Variants in FIGN observed in about 807,000 individuals in gnomAD.
FIGN encodes fidgetin, microtubule severing factor.
In FIGN, 11 loss-of-function variants were observed where a neutral mutation model predicts 51.3. That is an observed-to-expected ratio of 0.21 (90% CI 0.13 to 0.35). The LOEUF (loss-of-function observed/expected upper bound fraction) is 0.35. Among genes scored for constraint, FIGN ranks in the 10% least tolerant of loss-of-function variants. The probability of loss-of-function intolerance (pLI) is 1.00; values close to 1 mark genes in which losing one functional copy is unlikely to be tolerated. For synonymous variants in FIGN, 407 were observed against 363.2 expected (o/e 1.12, Z -1.37); for missense variants, 857 against 943.6 (o/e 0.91, Z 1.20).
chr2:163,611,725 G>A lies in FIGN; in HGVS notation c.107C>T (p.Ala36Val), dbSNP rs1691265918. 1 of 1,614,160 alleles carries A rather than the reference G, an allele frequency of 6.2e-7. No individual in the cohort carries two copies. Among genetic ancestry groups the A allele is most frequent in the Non-Finnish European group, 8.5e-7 (1 of 1,179,998 alleles). Reference protein sequence around the residue: ...FDITSTTRSPAHKVEAYRGHL... With the variant: ...FDITSTTRSPVHKVEAYRGHL... ...ACCTCTGTAGGCTTCAACTTTGTGG[G>A]CAGGAGACCGAGTGGTTGAGGTGAT... The change falls in exon 3 of 3, where the codon GCC becomes GTC. Residue 36 changes from alanine (A) to valine (V), a missense_variant. Physicochemically the swap from Ala to Val is moderately conservative, Grantham distance 64 (BLOSUM62 0). Around this residue, in one of 3 missense-constraint regions of FIGN, gnomAD observed 56 missense variants for 75.3 expected, o/e 0.74. Coordinates refer to ENST00000333129, the MANE Select transcript of FIGN (RefSeq NM_018086.4).
In FIGN at chr2:163,651,202, G is replaced by A. The variant is rs183560010; in HGVS notation, c.26-39396C>T. Among the ~76,000 whole-genome samples, 525 of 152,268 alleles carry A rather than the reference G, an allele frequency of 3.4e-3. 1 individual carries two copies. The highest frequency in any genetic ancestry group is 5.9e-3 in the Non-Finnish European group (399 of 68,026). On this transcript the variant is annotated intron_variant, in intron 2 of 2. Coordinates refer to ENST00000333129, the MANE Select transcript of FIGN (RefSeq NM_018086.4). ...TGATAGGCCGGGTGCGGTGGCTCAC[G>A]CCTGTATCCCAGCCCTTTGGGAGGC...
At position 163,610,029 on chromosome 2, in the gene FIGN, T is replaced by G; in HGVS notation, c.1803A>C (p.Pro601=). Residue 601 remains proline (P), a synonymous_variant, in exon 3 of 3, where the codon CCA becomes CCC. Transcript: ENST00000333129. ...LSSQVNEEHS[P]VSRMRTEFLM... ...GAAATTCGGTTCTCATCCGACTGAC[T>G]GGACTATGTTCCTCATTCACTTGAG... The G allele has an allele frequency of 6.2e-7, 1 of 1,614,148 alleles. No homozygotes were observed. The highest frequency in any genetic ancestry group is 8.5e-7 in the Non-Finnish European group (1 of 1,180,008).
At chr2:163,653,770 C>T (rs959657265) in intron 2 of FIGN, among the ~76,000 whole-genome samples, 1 of 152,050 alleles carries the variant, frequency 6.6e-6, no homozygotes, top group Non-Finnish European at 1.5e-5. Flanking sequence ...GTGCAAACAA[C>T]AACAACAACA....
At chr2:163,655,286 C>T (rs1224424558) in intron 2 of FIGN, among the ~76,000 whole-genome samples, 1 of 152,126 alleles carries the variant, frequency 6.6e-6, no homozygotes, top group Admixed American at 6.5e-5. Flanking sequence ...CTATCTTTGC[C>T]AGCTGTCAGA....
chr2:163,729,021 G>A (rs1270726017), intron 2 of FIGN, among the ~76,000 whole-genome samples: 1 of 152,096 alleles, frequency 6.6e-6, no homozygotes, highest in African/African-American at 2.4e-5. Flanking sequence ...AATTTTATCT[G>A]AGATGTTACT....
At position 163,610,425 on chromosome 2, in the gene FIGN, G is replaced by A. The variant is rs1361604870; in HGVS notation, c.1407C>T (p.Ile469=). The A allele has an allele frequency of 6.2e-6, 10 of 1,614,108 alleles. No individual in the cohort carries two copies. In the Admixed American group the frequency reaches 1.0e-4, roughly 16 times the overall value. Residue 469 remains isoleucine (I), a synonymous_variant, in exon 3 of 3, where the codon ATC becomes ATT. Transcript: ENST00000333129. ...TGATAATCTCATTGGTTACCAGGTC[G>A]ATGAGGTGCGTGTCAGTATTCTTCA... ...EQLKNTDTHL[I]DLVTNEIITQ...
At chr2:163,631,975 G>A (rs933305534) in intron 2 of FIGN, among the ~76,000 whole-genome samples, 7 of 151,966 alleles carry the variant, frequency 4.6e-5, no homozygotes, top group East Asian at 1.9e-4. Context: ...CGGTGAAACC[G>A]CGTCTCTACT....
chr2:163,637,437 A>G (rs1028923974), intron 2 of FIGN, among the ~76,000 whole-genome samples: 1 of 152,234 alleles, frequency 6.6e-6, no homozygotes, highest in South Asian at 2.1e-4. Flanking sequence ...CAAACTGGAG[A>G]AAACATACTC....
At chr2:163,660,156 A>G (rs1326094259) in intron 2 of FIGN, among the ~76,000 whole-genome samples, 2 of 152,108 alleles carry the variant, frequency 1.3e-5, no homozygotes, top group Non-Finnish European at 2.9e-5. Flanking sequence ...ATGACTTATC[A>G]CAGTCTGATC....
intron 2 of FIGN, among the ~76,000 whole-genome samples, chr2:163,640,072 G>A (rs1683285069): frequency 6.6e-6 from 1 of 152,132 alleles, no homozygotes; most frequent in East Asian, 1.9e-4. Flanking sequence ...ATGTGTACAG[G>A]AACTGCTTCC....
At chr2:163,613,346 G>T (rs963953256) in intron 2 of FIGN, among the ~76,000 whole-genome samples, 11 of 152,064 alleles carry the variant, frequency 7.2e-5, no homozygotes, top group Non-Finnish European at 7.4e-5. Flanking sequence ...ATAAGGAGGA[G>T]GCCTGGTCTA....
intron 2 of FIGN, among the ~76,000 whole-genome samples, chr2:163,726,577 A>G (rs1251609164): frequency 6.6e-6 from 1 of 151,908 alleles, no homozygotes. Flanking sequence ...GTAATTTTTC[A>G]TTTTCCAGGA....
rs200638290 is a variant in FIGN at position 163,727,397 on chromosome 2, AT to A, written c.25+7505del. ...AATGGCTTAGTTAAAAAAAAAAAAA[AT>A]ATTCCTAAACTGTGGGGTAAATTTT... On this transcript the variant is annotated intron_variant, in intron 2 of 2. Coordinates refer to ENST00000333129, the MANE Select transcript of FIGN (RefSeq NM_018086.4). 5.8e-3 allele frequency among the ~76,000 whole-genome samples: 840 copies of A among 143,652 alleles called. 5 individuals are homozygous for A. The highest frequency in any genetic ancestry group is 0.021 in the African/African-American group (772 of 36,874). The allele number at this position is 143,652 out of a possible 152,430, so 94.2% of individuals were successfully genotyped here. A position where few individuals can be genotyped will look rare whatever the true frequency, so the allele number is the denominator to read the frequency against.
At chr2:163,656,475 G>A (rs2105324549) in intron 2 of FIGN, among the ~76,000 whole-genome samples, 1 of 152,166 alleles carries the variant, frequency 6.6e-6, no homozygotes, top group Non-Finnish European at 1.5e-5. Flanking sequence ...AACTAATTCG[G>A]CTCCTTTGTT....
chr2:163,706,209 C>G (rs540769555), intron 2 of FIGN, among the ~76,000 whole-genome samples: 1 of 152,202 alleles, frequency 6.6e-6, no homozygotes, highest in African/African-American at 2.4e-5. Flanking sequence ...AAATTTGAAC[C>G]ACAAATCATC....
At chr2:163,638,050 C>T (rs1351614013) in intron 2 of FIGN, among the ~76,000 whole-genome samples, 1 of 151,998 alleles carries the variant, frequency 6.6e-6, no homozygotes, top group Admixed American at 6.5e-5. Flanking sequence ...GGGGTTTGCT[C>T]TTTTAAGCAT....
intron 2 of FIGN, among the ~76,000 whole-genome samples, chr2:163,647,587 G>T (rs920672243): frequency 6.6e-6 from 1 of 152,164 alleles, no homozygotes; most frequent in Non-Finnish European, 1.5e-5. Flanking sequence ...CAGCTAGTTA[G>T]TGAACAAGCC....
intron 2 of FIGN, among the ~76,000 whole-genome samples, chr2:163,655,908 G>T (rs539180116): frequency 1.8e-4 from 27 of 152,052 alleles, no homozygotes; most frequent in Non-Finnish European, 4.0e-4. Context: ...TATTCTGGAG[G>T]TACTTACAGC....
intron 2 of FIGN, among the ~76,000 whole-genome samples, chr2:163,690,112 G>A (rs1222842332): frequency 6.6e-6 from 1 of 152,080 alleles, no homozygotes; most frequent in African/African-American, 2.4e-5. Context: ...GCCTATGAAA[G>A]AACAGTTACC....
Sources: gnomAD v4.1 joint callset for allele counts (sites outside exome capture counted in the v4.1 genomes callset) on GRCh38, gnomAD v4.1.1 for gene constraint, gnomAD v4.1.1 regional missense constraint, MANE v1.5 for transcripts, NCBI Gene and HGNC (gene_info 2026-07-23, HGNC 2026-07-21) for gene names.